Variants in GFOD2 observed in about 807,000 individuals in gnomAD.
The protein encoded by GFOD2 is Gfo/Idh/MocA-like oxidoreductase domain containing 2.
In GFOD2, 9 loss-of-function variants were observed where a neutral mutation model predicts 24.6. The observed-to-expected ratio is 0.37, with a 90% CI of 0.22 to 0.64. The LOEUF (loss-of-function observed/expected upper bound fraction) is 0.64. GFOD2 is among the 30% of genes least tolerant of loss of function. The pLI is 0.65. For missense variants in GFOD2, 476 were observed against 532.5 expected, an observed-to-expected ratio of 0.89 and a Z score of 1.04; for synonymous variants, 211 against 224.8, an observed-to-expected ratio of 0.94 and a Z score of 0.55.
intron 1 of GFOD2, among the ~76,000 whole-genome samples, chr16:67,707,217 G>T (rs1307019996): frequency 1.3e-5 from 2 of 151,896 alleles, no homozygotes; most frequent in Admixed American, 1.3e-4. Context: ...AAATAGCCTG[G>T]TGTGGTGGTG....
In GFOD2 at chr16:67,675,555, A is replaced by G. The variant is rs2053178017; in HGVS notation, c.758T>C (p.Val253Ala). 6.2e-7 allele frequency: 1 copy of G among 1,613,384 alleles called. No homozygotes were observed. The highest frequency in any genetic ancestry group is 1.3e-5 in the African/African-American group (1 of 74,950). ...GACGAGGCGTCCTGCAGAGCCTACC[A>G]CCATGACTTCATGCACAAAGGCGCC... ...MPGAFVHEVM[V>A]VGSAGRLVAR... The change falls in exon 3 of 3, where the codon GTG (valine) becomes GCG (alanine). Residue 253 changes from valine to alanine, a missense_variant. Val to Ala is a moderately conservative substitution (Grantham distance 64). Coordinates refer to ENST00000268797, the MANE Select transcript of GFOD2 (RefSeq NM_030819.4).
intron 1 of GFOD2, among the ~76,000 whole-genome samples, chr16:67,701,785 T>TA (rs1423659211): frequency 0.037 from 4,932 of 132,480 alleles, 105 homozygotes; most frequent in Middle Eastern, 0.17. Flanking sequence ...TGACCCCACT[T>TA]AAAAAAAAAA....
intron 1 of GFOD2, among the ~76,000 whole-genome samples, chr16:67,717,745 C>T (rs1044896514): frequency 6.6e-6 from 1 of 151,430 alleles, no homozygotes; most frequent in Admixed American, 6.6e-5. Flanking sequence ...GAGCCGAGAT[C>T]GCACCACTGC....
At chr16:67,697,575 C>CATG (rs2053367707) in intron 1 of GFOD2, among the ~76,000 whole-genome samples, 2 of 152,188 alleles carry the variant, frequency 1.3e-5, no homozygotes, top group African/African-American at 4.8e-5. Context: ...TGGCTGTGTG[C>CATG]ATGACCTGCT....
intron 1 of GFOD2, among the ~76,000 whole-genome samples, chr16:67,686,171 C>G (rs971365441): frequency 1.3e-5 from 2 of 152,110 alleles, no homozygotes; most frequent in Non-Finnish European, 2.9e-5. Flanking sequence ...GTAGTCCTAG[C>G]TACCTGGGAG....
intron 1 of GFOD2, among the ~76,000 whole-genome samples, chr16:67,687,168 A>G (rs2053273401): frequency 6.6e-6 from 1 of 151,590 alleles, no homozygotes; most frequent in Non-Finnish European, 1.5e-5. Context: ...AAAAAAGAAA[A>G]GAAAAAGAAG....
rs568503835 is a variant in GFOD2, at chr16:67,676,112, C to T, written c.260-59G>A. 133 of 1,483,148 alleles carry T rather than the reference C, an allele frequency of 9.0e-5. 4 individuals are homozygous for T. The South Asian group carries it at 1.4e-3, about 15-fold the overall frequency. 91.9% of individuals were successfully genotyped at this position (1,483,148 alleles called of 1,614,324 possible). A position where few individuals can be genotyped will look rare whatever the true frequency, so the allele number is the denominator to read the frequency against. On this transcript the variant is annotated intron_variant, in intron 2 of 2. Coordinates refer to ENST00000268797, the MANE Select transcript of GFOD2 (RefSeq NM_030819.4). ...TTCAAGGGGGAATCTCCAGCATGTC[C>T]GCCTGCCCTGAGGATTTTGGACTTC...
At position 67,685,565 on chromosome 16, in the gene GFOD2, C is replaced by T. The variant is rs145155253; in HGVS notation, c.151G>A (p.Ala51Thr). 31 of 1,614,016 alleles carry T rather than the reference C, an allele frequency of 1.9e-5. No individual in the cohort carries two copies. Among genetic ancestry groups the T allele is most frequent in the African/African-American group, 4.0e-5 (3 of 74,898 alleles). Residue 51 changes from alanine to threonine, a missense_variant, in exon 2 of 3, where the codon GCC (alanine) becomes ACC (threonine). Transcript: ENST00000268797. ...AKQLAEEMNIAFYTSRTDDIL... is the reference protein window; with the variant it reads ...AKQLAEEMNITFYTSRTDDIL... ...TCATCAGTCCGGCTGGTGTAGAAGGCGATGTTCATCTCCTCAGCAAGCTGC... is the reference window on the plus strand; with the variant it reads ...TCATCAGTCCGGCTGGTGTAGAAGGTGATGTTCATCTCCTCAGCAAGCTGC...
chr16:67,678,401 G>A (rs993064392), intron 2 of GFOD2, among the ~76,000 whole-genome samples: 3 of 151,766 alleles, frequency 2.0e-5, no homozygotes, highest in African/African-American at 7.3e-5. Context: ...ACTTGAACCC[G>A]GGAGGTGGAG....
In GFOD2 at chr16:67,675,135, C is replaced by T. The variant is rs1254378100; in HGVS notation, c.*20G>A. On this transcript the variant is annotated 3_prime_UTR_variant, in exon 3 of 3. Coordinates refer to ENST00000268797, the MANE Select transcript of GFOD2 (RefSeq NM_030819.4). ...CCTCCCTGGTCCCTCTGCCCTGTGG[C>T]AAGGAGCCCAGGTGCAGGCTCATAG... 6.3e-7 allele frequency: 1 copy of T among 1,594,242 alleles called. No individual in the cohort carries two copies. Among genetic ancestry groups the T allele is most frequent in the Admixed American group, 1.7e-5 (1 of 58,926 alleles).
intron 1 of GFOD2, among the ~76,000 whole-genome samples, chr16:67,696,123 C>G (rs546710290): frequency 6.6e-6 from 1 of 151,982 alleles, no homozygotes; most frequent in South Asian, 2.1e-4. Flanking sequence ...AAGCGATTCT[C>G]CTGCCTCAGC....
rs59310800 is a variant in GFOD2, at chr16:67,681,794, G to A, written c.259+3663C>T. On this transcript the variant is annotated intron_variant, in intron 2 of 2. Coordinates refer to ENST00000268797, the MANE Select transcript of GFOD2 (RefSeq NM_030819.4). ...TCTTGACTTAAACAGGCTCCTGAGGGCTAGCTGTACAGAGTCTTTGGGTAG... is the reference window on the plus strand; with the variant it reads ...TCTTGACTTAAACAGGCTCCTGAGGACTAGCTGTACAGAGTCTTTGGGTAG... The A allele has an allele frequency of 0.016, 16,059 of 985,168 alleles. 1,448 individuals carry two copies. In the African/African-American group the frequency reaches 0.21, roughly 13 times the overall value. The allele number at this position is 985,168 out of a possible 1,614,324, so 61.0% of individuals were successfully genotyped here.
Position 67,709,949 on chromosome 16 carries a change from A to AT in GFOD2, c.-88+9213dup, listed in dbSNP as rs951529729. Among the ~76,000 whole-genome samples, 31 of 148,862 alleles carry AT rather than the reference A, an allele frequency of 2.1e-4. 1 individual carries two copies. The highest frequency in any genetic ancestry group is 7.2e-4 in the African/African-American group (29 of 40,288). On this transcript the variant is annotated intron_variant, in intron 1 of 2. Coordinates refer to ENST00000268797, the MANE Select transcript of GFOD2 (RefSeq NM_030819.4). ...AGCCAAATTAGCCTTATGTTTATCT[A>AT]TTTTTTATTTTTTGGGGACAGAGTG...
intron 1 of GFOD2, among the ~76,000 whole-genome samples, chr16:67,693,866 G>C (rs1006399284): frequency 1.3e-5 from 2 of 152,018 alleles, no homozygotes; most frequent in African/African-American, 4.8e-5. Context: ...GCTATAGTGG[G>C]TTATGATCAT....
chr16:67,706,639 T>C (rs79435970), intron 1 of GFOD2, among the ~76,000 whole-genome samples: 7,163 of 152,186 alleles, frequency 0.047, 475 homozygotes, highest in African/African-American at 0.15. Flanking sequence ...TTTGAAATCA[T>C]GGGGTAAGGA....
intron 1 of GFOD2, among the ~76,000 whole-genome samples, chr16:67,690,340 T>C (rs2053301833): frequency 6.6e-6 from 1 of 152,166 alleles, no homozygotes; most frequent in Admixed American, 6.5e-5. Context: ...CCTTGTTATT[T>C]TCTGGTGTTT....
intron 1 of GFOD2, among the ~76,000 whole-genome samples, chr16:67,711,058 A>G (rs1031706433): frequency 6.6e-6 from 1 of 152,202 alleles, no homozygotes; most frequent in African/African-American, 2.4e-5. Flanking sequence ...ACCAGACCCA[A>G]AAGCATTTCT....
chr16:67,682,045 CTT>C, intron 2 of GFOD2: 2 of 255,266 alleles, frequency 7.8e-6, no homozygotes, highest in Non-Finnish European at 1.2e-5. Flanking sequence ...CTTTTCTTTT[CTT>C]TTTTTTTTGA....
chr16:67,688,734 CTTT>C (rs113977188), intron 1 of GFOD2, among the ~76,000 whole-genome samples: 21 of 131,096 alleles, frequency 1.6e-4, no homozygotes, highest in African/African-American at 2.9e-4. Flanking sequence ...ATAAAATTTA[CTTT>C]TTTTTTTTTT....
Sources: allele counts gnomAD v4.1 joint callset (sites outside exome capture counted in the v4.1 genomes callset), GRCh38; gene constraint gnomAD v4.1.1; transcripts MANE v1.5; gene names NCBI Gene and HGNC (gene_info 2026-07-23, HGNC 2026-07-21).